Variants in PIGS observed in about 807,000 individuals in gnomAD.
PIGS encodes phosphatidylinositol glycan anchor biosynthesis class S.
A neutral mutation model predicts 58.2 loss-of-function variants in PIGS; 37 were observed. The ratio of observed to expected loss-of-function variants is 0.64; its 90% CI spans 0.49 to 0.84. The LOEUF (loss-of-function observed/expected upper bound fraction) is 0.84, where lower values mean the gene tolerates loss of function less well. Among genes scored for constraint, PIGS ranks in the 40% least tolerant of loss-of-function variants. The pLI is 0.00. For synonymous variants in PIGS, 269 were observed against 289.2 expected (o/e 0.93, Z 0.71); for missense variants, 629 against 710.8 (o/e 0.88, Z 1.31).
At chr17:28,556,558 T>G (rs1597583167) in intron 9 of PIGS, 2 of 716,594 alleles carry the variant, frequency 2.8e-6, no homozygotes, top group African/African-American at 3.5e-5. Context: ...CTTGCAAGAC[T>G]CCCACAAATA....
chr17:28,563,286 C>T (rs926509603), intron 5 of PIGS, 145 bp downstream of exon 5: 10 of 638,724 alleles, frequency 1.6e-5, no homozygotes, highest in Non-Finnish European at 2.7e-5. Flanking sequence ...GAGCAAGACT[C>T]CGTCTCAAAA....
At chr17:28,560,285 C>T in intron 6 of PIGS, 94 bp from the exon 7 acceptor site, 2 of 1,434,298 alleles carry the variant, frequency 1.4e-6, no homozygotes, top group South Asian at 1.3e-5. Context: ...TGTTTCTCCT[C>T]TGGAATGGGG....
chr17:28,558,391 C>T, intron 8 of PIGS, 85 bp downstream of exon 8: 1 of 1,121,958 alleles, frequency 8.9e-7, no homozygotes, highest in Non-Finnish European at 1.3e-6. Context: ...AATCCACCTC[C>T]AACTCCTGTC....
chr17:28,565,528 T>C (rs2070388880), intron 3 of PIGS, among the ~76,000 whole-genome samples: 1 of 152,224 alleles, frequency 6.6e-6, no homozygotes, highest in Admixed American at 6.5e-5. Flanking sequence ...AAAAAGTTCC[T>C]CTTTTCTTTA....
chr17:28,571,171 G>C lies in PIGS; in HGVS notation c.52C>G (p.Arg18Gly). The change falls in exon 2 of 12, where the codon CGC (arginine) becomes GGC (glycine). Residue 18 changes from arginine (R) to glycine (G), a missense_variant. Arg to Gly is a moderately radical substitution (Grantham distance 125). Transcript: ENST00000308360. ...ACCGCAGCGAAGAAGAGGGCGGCGC[G>C]CTTGCCCCGGGCCACCTCTGAGGGC... ...ATHLEVARGKRAALFFAAVAI... is the reference protein window; with the variant it reads ...ATHLEVARGKGAALFFAAVAI... 1 of 1,613,244 alleles carries C rather than the reference G, an allele frequency of 6.2e-7. No homozygotes were observed. The highest frequency in any genetic ancestry group is 8.5e-7 in the Non-Finnish European group (1 of 1,179,938).
rs149970073 is a variant in PIGS, at chr17:28,565,845, C to T, written c.287-1938G>A. Among the ~76,000 whole-genome samples, 433 of 152,186 alleles carry T rather than the reference C, an allele frequency of 2.8e-3. 2 individuals carry two copies. Among genetic ancestry groups the T allele is most frequent in the African/African-American group, 0.01 (427 of 41,510 alleles). On this transcript the variant is annotated intron_variant, in intron 3 of 11. Coordinates refer to ENST00000308360, the MANE Select transcript of PIGS (RefSeq NM_033198.4). ...AGGAGTTCAAGACCAGCCTGGCCAC[C>T]ATGGTGAAACCCCGTTTCTACTAAA...
chr17:28,568,104 T>A (rs966149367), intron 3 of PIGS, among the ~76,000 whole-genome samples: 1 of 151,994 alleles, frequency 6.6e-6, no homozygotes, highest in African/African-American at 2.4e-5. Flanking sequence ...GACTTACTTG[T>A]CTTTTTTTCT....
chr17:28,561,127 G>A (rs578035505), intron 6 of PIGS, among the ~76,000 whole-genome samples: 12 of 152,034 alleles, frequency 7.9e-5, no homozygotes, highest in Admixed American at 2.0e-4. Context: ...GAGTGGTGGC[G>A]GGCACCTGTG....
At chr17:28,562,595 G>A (rs1227393000) in intron 5 of PIGS, among the ~76,000 whole-genome samples, 1 of 151,780 alleles carries the variant, frequency 6.6e-6, no homozygotes. Flanking sequence ...CACCACGCCC[G>A]GCTAATTTTT....
chr17:28,556,563 C>G lies in PIGS; in HGVS notation c.1080+264G>C, dbSNP rs1314826642. 5.6e-6 allele frequency: 4 copies of G among 714,558 alleles called. No individual in the cohort carries two copies. In the South Asian group the frequency reaches 6.0e-5, roughly 11 times the overall value. 44.3% of individuals were successfully genotyped at this position (714,558 alleles called of 1,614,324 possible). A position where few individuals can be genotyped will look rare whatever the true frequency, so the allele number is the denominator to read the frequency against. ...GGCTCCCAACCTTGCAAGACTCCCA[C>G]AAATAAGGCGAAGATCTAAGATGGA... On this transcript the variant is annotated intron_variant, in intron 9 of 11. Coordinates refer to ENST00000308360, the MANE Select transcript of PIGS (RefSeq NM_033198.4).
intron 5 of PIGS, among the ~76,000 whole-genome samples, chr17:28,562,454 G>A (rs2070369604): frequency 6.6e-6 from 1 of 152,110 alleles, no homozygotes; most frequent in African/African-American, 2.4e-5. Flanking sequence ...TTCTTTTTGA[G>A]ACAGAGTCTC....
rs778045362 is a variant in PIGS at position 28,556,862 on chromosome 17, T to C, written c.1045A>G (p.Asn349Asp). 8 of 1,613,968 alleles carry C rather than the reference T, an allele frequency of 5.0e-6. No homozygotes were observed. In the South Asian group the frequency reaches 8.8e-5, roughly 18 times the overall value. Residue 349 changes from asparagine to aspartate, a missense_variant, in exon 9 of 12, where the codon AAT becomes GAT. Physicochemically the swap from Asn to Asp is conservative, Grantham distance 23. Coordinates refer to ENST00000308360, the MANE Select transcript of PIGS (RefSeq NM_033198.4). ...QDKDGAPVAT[N>D]AFHSPRWGGI... ...CCCCAGCGGGGACTATGGAAGGCAT[T>C]GGTGGCCACTGGAGCGCCATCCTTG...
rs371202546 is a variant in PIGS at position 28,558,481 on chromosome 17, C to T, written c.929G>A (p.Arg310Gln). Residue 310 changes from arginine to glutamine, a missense_variant, in exon 8 of 12, where the codon CGG becomes CAG. Arg to Gln is a conservative substitution (Grantham distance 43). Transcript: ENST00000308360. ...CCTCATCCTTAGGTGCTCACCCAGC[C>T]GGGACTCCACTGGGTTGATGACATG... is the stretch of plus-strand genomic sequence containing the variant. ...LPHVINPVESRLGSSAASLYP... is the reference protein window; with the variant it reads ...LPHVINPVESQLGSSAASLYP... 1.1e-5 allele frequency: 18 copies of T among 1,609,238 alleles called. No homozygotes were observed. The highest frequency in any genetic ancestry group is 2.2e-5 in the South Asian group (2 of 90,236).
intron 6 of PIGS, among the ~76,000 whole-genome samples, 171 bp downstream of exon 6, chr17:28,561,251 C>T (rs1012367110): frequency 2.6e-5 from 4 of 151,584 alleles, no homozygotes; most frequent in African/African-American, 4.8e-5. Context: ...AGTGAGACTC[C>T]GTCTCAAAAT....
intron 3 of PIGS, among the ~76,000 whole-genome samples, chr17:28,564,232 T>C (rs1029528597): frequency 2.0e-5 from 3 of 152,208 alleles, no homozygotes; most frequent in East Asian, 1.9e-4. Flanking sequence ...TTCCAATCAC[T>C]GCCCCAAAAT....
At chr17:28,565,524 T>C (rs1209682326) in intron 3 of PIGS, among the ~76,000 whole-genome samples, 1 of 152,216 alleles carries the variant, frequency 6.6e-6, no homozygotes, top group Non-Finnish European at 1.5e-5. Flanking sequence ...ATTGAAAAAG[T>C]TCCTCTTTTC....
intron 4 of PIGS, 55 bp from the exon 5 acceptor site, chr17:28,563,577 C>G (rs1274767381): frequency 1.3e-6 from 2 of 1,532,556 alleles, no homozygotes; most frequent in African/African-American, 2.7e-5. Flanking sequence ...CATCTCCCCC[C>G]AGCCCCAAAG....
chr17:28,568,834 GCCTGTAAT>G (rs2070409086), intron 3 of PIGS, among the ~76,000 whole-genome samples: 1 of 152,052 alleles, frequency 6.6e-6, no homozygotes, highest in African/African-American at 2.4e-5. Context: ...GGTGGCTCAC[GCCTGTAAT>G]CCCAGCACTT....
chr17:28,563,154 T>A (rs1438668316), intron 5 of PIGS, among the ~76,000 whole-genome samples: 1 of 152,002 alleles, frequency 6.6e-6, no homozygotes, highest in African/African-American at 2.4e-5. Context: ...AAAAATACAT[T>A]ACATGGCACA....
Sources: gnomAD v4.1 joint callset for allele counts (sites outside exome capture counted in the v4.1 genomes callset) on GRCh38, gnomAD v4.1.1 for gene constraint, MANE v1.5 for transcripts, NCBI Gene and HGNC (gene_info 2026-07-23, HGNC 2026-07-21) for gene names.